NOS1AP: variants seen among roughly 807,000 people sequenced by gnomAD.
NOS1AP encodes the protein nitric oxide synthase 1 adaptor protein, also known as carboxyl-terminal PDZ ligand of neuronal nitric oxide synthase protein.
Under a neutral mutation model 56.2 loss-of-function variants are expected in NOS1AP, and 21 were observed. That is an observed-to-expected ratio of 0.37 (90% CI 0.26 to 0.54). The LOEUF is 0.54. NOS1AP is among the 20% of genes least tolerant of loss of function. The pLI is 0.84. For missense variants in NOS1AP, 522 were observed against 657.8 expected (o/e 0.79, Z 2.26); for synonymous variants, 270 against 274.6 (o/e 0.98, Z 0.17).
chr1:162,204,330 A>G (rs970735247), intron 2 of NOS1AP, among the ~76,000 whole-genome samples: 4 of 152,206 alleles, frequency 2.6e-5, no homozygotes, highest in African/African-American at 4.8e-5. Flanking sequence ...GCTTTAGGTC[A>G]TCTTACAGGT....
intron 2 of NOS1AP, among the ~76,000 whole-genome samples, chr1:162,215,587 C>A (rs1311581449): frequency 6.6e-6 from 1 of 152,176 alleles, no homozygotes; most frequent in Non-Finnish European, 1.5e-5. Flanking sequence ...TGCTGCCTGG[C>A]CTGAGCTCTG....
chr1:162,121,137 G>A (rs1371181869), intron 1 of NOS1AP, among the ~76,000 whole-genome samples: 3 of 133,736 alleles, frequency 2.2e-5, no homozygotes, highest in African/African-American at 5.8e-5. Flanking sequence ...GGGGTAAACC[G>A]ATCACTTCAG....
intron 1 of NOS1AP, among the ~76,000 whole-genome samples, chr1:162,107,820 C>G (rs908847383): frequency 1.3e-5 from 2 of 152,064 alleles, no homozygotes; most frequent in African/African-American, 4.8e-5. Flanking sequence ...TAAAGGTACC[C>G]AAAGTGCAGA....
chr1:162,123,231 G>C (rs1258122205), intron 1 of NOS1AP, among the ~76,000 whole-genome samples: 1 of 152,198 alleles, frequency 6.6e-6, no homozygotes, highest in Non-Finnish European at 1.5e-5. Context: ...ATTCAGAGAT[G>C]TCTACTCTCA....
intron 2 of NOS1AP, among the ~76,000 whole-genome samples, chr1:162,170,764 A>C (rs1051747484): frequency 1.3e-5 from 2 of 152,094 alleles, no homozygotes; most frequent in Admixed American, 6.5e-5. Context: ...TGTCTCGACT[A>C]AAAATACAAA....
At chr1:162,131,444 C>T (rs1648743732) in intron 1 of NOS1AP, among the ~76,000 whole-genome samples, 1 of 151,334 alleles carries the variant, frequency 6.6e-6, no homozygotes, top group Non-Finnish European at 1.5e-5. Flanking sequence ...ATGCAGCAAG[C>T]CACAATAGGA....
chr1:162,306,105 G>T (rs1420959599), intron 4 of NOS1AP, among the ~76,000 whole-genome samples: 1 of 152,160 alleles, frequency 6.6e-6, no homozygotes, highest in East Asian at 1.9e-4. Flanking sequence ...GTCTAGAAAG[G>T]CTCAGAGAAC....
chr1:162,130,391 G>C (rs1648698894), intron 1 of NOS1AP, among the ~76,000 whole-genome samples: 1 of 152,170 alleles, frequency 6.6e-6, no homozygotes, highest in African/African-American at 2.4e-5. Flanking sequence ...GTCAATTGTG[G>C]TGCTTTGCAC....
intron 2 of NOS1AP, among the ~76,000 whole-genome samples, chr1:162,175,610 G>C (rs1332035062): frequency 6.6e-6 from 1 of 152,148 alleles, no homozygotes; most frequent in Non-Finnish European, 1.5e-5. Context: ...TAGCAGGATC[G>C]GAGGTGTGGG....
At chr1:162,302,083 G>A (rs10800426) in intron 4 of NOS1AP, among the ~76,000 whole-genome samples, 73,082 of 152,168 alleles carry the variant, frequency 0.48, 18,048 homozygotes, top group Middle Eastern at 0.58. Context: ...ATGTCTGACA[G>A]AATGAATTTC....
At chr1:162,154,313 C>A in intron 1 of NOS1AP, 92 bp from the exon 2 acceptor site, 2 of 1,043,348 alleles carry the variant, frequency 1.9e-6, no homozygotes, top group Non-Finnish European at 3.0e-6. Flanking sequence ...GTAAAATGGG[C>A]AGATGAGCTA....
chr1:162,070,664 T>G (rs2102005894), intron 1 of NOS1AP, among the ~76,000 whole-genome samples: 1 of 152,238 alleles, frequency 6.6e-6, no homozygotes, highest in African/African-American at 2.4e-5. Flanking sequence ...GTTATTTACC[T>G]GCTGGGCTCC....
chr1:162,141,253 G>A (rs1649223824), intron 1 of NOS1AP, among the ~76,000 whole-genome samples: 1 of 152,144 alleles, frequency 6.6e-6, no homozygotes, highest in South Asian at 2.1e-4. Context: ...GTGCTGGGAG[G>A]TTGACCAGAT....
rs758279715 is a variant in NOS1AP, at chr1:162,333,044, A to G, written c.372A>G (p.Gln124=). The G allele has an allele frequency of 5.3e-5, 85 of 1,613,598 alleles. 1 individual carries two copies. In the East Asian group the frequency reaches 1.7e-3, roughly 33 times the overall value. Residue 124 remains glutamine (Q), a synonymous_variant, in exon 5 of 10, where the codon CAA becomes CAG. Transcript: ENST00000361897. Reference sequence around the variant, plus strand: ...TCTTCTATGTCTCTCATGATTCCCAAGACTTGAAGATCTTCAGCTATATCG... The same window carrying G: ...TCTTCTATGTCTCTCATGATTCCCAGGACTTGAAGATCTTCAGCTATATCG... The part of the protein sequence containing the change: ...YRIFYVSHDS[Q]DLKIFSYIAR...
At chr1:162,320,206 C>T (rs189995737) in intron 4 of NOS1AP, among the ~76,000 whole-genome samples, 100 of 152,224 alleles carry the variant, frequency 6.6e-4, no homozygotes, top group African/African-American at 2.1e-3. Context: ...TGGACCACCC[C>T]GACACCTGCT....
intron 1 of NOS1AP, among the ~76,000 whole-genome samples, chr1:162,135,519 CAG>C (rs908761329): frequency 3.3e-5 from 5 of 152,174 alleles, no homozygotes; most frequent in African/African-American, 1.2e-4. Flanking sequence ...GTTCTGTCTG[CAG>C]AACTGGCATT....
At chr1:162,259,494 AAT>A (rs1318483079) in intron 2 of NOS1AP, among the ~76,000 whole-genome samples, 3 of 152,332 alleles carry the variant, frequency 2.0e-5, no homozygotes, top group Admixed American at 1.3e-4. Flanking sequence ...GCCATTCTAT[AAT>A]ATGTGTGGAA....
At chr1:162,254,253 A>G (rs974334312) in intron 2 of NOS1AP, among the ~76,000 whole-genome samples, 2 of 152,172 alleles carry the variant, frequency 1.3e-5, no homozygotes, top group Admixed American at 6.6e-5. Flanking sequence ...ATGTAACTGC[A>G]AGGCCTTCTT....
chr1:162,156,791 C>G (rs1192054879), intron 2 of NOS1AP, among the ~76,000 whole-genome samples: 1 of 151,990 alleles, frequency 6.6e-6, no homozygotes, highest in Admixed American at 6.5e-5. Flanking sequence ...TACAACTACT[C>G]TAGATGAGGA....
Sources: gnomAD v4.1 joint callset for allele counts (sites outside exome capture counted in the v4.1 genomes callset) on GRCh38, gnomAD v4.1.1 for gene constraint, MANE v1.5 for transcripts, NCBI Gene and HGNC (gene_info 2026-07-23, HGNC 2026-07-21) for gene names.